Variants in SLIT2 observed in about 807,000 individuals in gnomAD.
SLIT2 encodes slit guidance ligand 2, also known as slit homolog 2 protein.
A neutral mutation model predicts 185.7 loss-of-function variants in SLIT2; 41 were observed. That is an observed-to-expected ratio of 0.22 (90% CI 0.17 to 0.29). SLIT2 has a LOEUF of 0.29. SLIT2 is among the 10% of genes least tolerant of loss of function. The pLI is 1.00. For missense variants in SLIT2, 1,571 were observed against 1,909.0 expected, an observed-to-expected ratio of 0.82 and a Z score of 3.30; for synonymous variants, 693 against 680.2, an observed-to-expected ratio of 1.02 and a Z score of -0.29.
intron 4 of SLIT2, among the ~76,000 whole-genome samples, chr4:20,308,481 A>G (rs1419378391): frequency 6.6e-6 from 1 of 152,310 alleles, no homozygotes; most frequent in Non-Finnish European, 1.5e-5. Context: ...GTGGTATAGA[A>G]AGCATGAGCT....
chr4:20,516,325 TATATGTATATTGTACACATATAATAGTAC>T (rs2148834477), intron 11 of SLIT2, among the ~76,000 whole-genome samples: 1 of 152,228 alleles, frequency 6.6e-6, no homozygotes, highest in African/African-American at 2.4e-5. Context: ...TCTATCAGAG[TATATGTATATTGTACACATATAATAGTAC>T]GTATGTATAT....
chr4:20,554,402 G>A, intron 26 of SLIT2: 1 of 453,844 alleles, frequency 2.2e-6, no homozygotes, highest in Non-Finnish European at 4.4e-6. Flanking sequence ...CTTATGTGCT[G>A]CAGCCTTCCT....
chr4:20,292,406 C>G (rs921294439), intron 4 of SLIT2, among the ~76,000 whole-genome samples: 1 of 152,028 alleles, frequency 6.6e-6, no homozygotes, highest in Admixed American at 6.5e-5. Flanking sequence ...TTTGTTACAG[C>G]TACTTGGGAG....
At chr4:20,390,284 T>G (rs10000297) in intron 4 of SLIT2, among the ~76,000 whole-genome samples, 2 of 151,978 alleles carry the variant, frequency 1.3e-5, no homozygotes, top group East Asian at 3.9e-4. Flanking sequence ...ACAAAAAAAA[T>G]TGCCGTGCAT....
intron 4 of SLIT2, among the ~76,000 whole-genome samples, chr4:20,298,063 T>TA (rs1280083314): frequency 6.6e-6 from 1 of 151,878 alleles, no homozygotes; most frequent in East Asian, 1.9e-4. Flanking sequence ...AAGAGCATAG[T>TA]AATCGGTATC....
At chr4:20,511,587 A>ATTTTTTTTTTTTTTTTTTTTTTTTTT (rs759622666) in intron 11 of SLIT2, among the ~76,000 whole-genome samples, 3 of 82,206 alleles carry the variant, frequency 3.6e-5, no homozygotes, top group African/African-American at 5.0e-5. Flanking sequence ...CATCCAGCTA[A>ATTTTTTTTTTTTTTTTTTTTTTTTTT]TTTTTTTTTT....
intron 4 of SLIT2, among the ~76,000 whole-genome samples, chr4:20,377,679 T>C (rs902321444): frequency 5.9e-5 from 9 of 152,086 alleles, no homozygotes; most frequent in African/African-American, 1.7e-4. Flanking sequence ...TTTACTTACA[T>C]TGAGGGAGTG....
At chr4:20,529,371 G>T (rs1721584636) in intron 16 of SLIT2, among the ~76,000 whole-genome samples, 2 of 152,042 alleles carry the variant, frequency 1.3e-5, no homozygotes, top group South Asian at 4.2e-4. Context: ...TTTATTTGAT[G>T]CTTATTTATT....
chr4:20,465,825 G>A (rs1035140617), intron 4 of SLIT2, among the ~76,000 whole-genome samples: 2 of 152,064 alleles, frequency 1.3e-5, no homozygotes, highest in African/African-American at 4.8e-5. Flanking sequence ...TGTGCCTAGG[G>A]ACTGAGCAGA....
intron 4 of SLIT2, among the ~76,000 whole-genome samples, chr4:20,271,107 G>T (rs1396907355): frequency 2.0e-5 from 3 of 151,924 alleles, no homozygotes; most frequent in Non-Finnish European, 4.4e-5. Context: ...ACATGATACA[G>T]ATGCCAAGTA....
chr4:20,400,457 G>A (rs1261712365), intron 4 of SLIT2, among the ~76,000 whole-genome samples: 1 of 151,664 alleles, frequency 6.6e-6, no homozygotes, highest in Non-Finnish European at 1.5e-5. Flanking sequence ...CAAGGTTTCT[G>A]GTTTACACAA....
At chr4:20,461,647 G>A (rs1713724977) in intron 4 of SLIT2, among the ~76,000 whole-genome samples, 1 of 152,138 alleles carries the variant, frequency 6.6e-6, no homozygotes, top group African/African-American at 2.4e-5. Context: ...GTCAGATTCT[G>A]GATATATTTT....
At chr4:20,360,055 TCTCTTCCAGATCAGGTCATGTGA>T (rs1577498283) in intron 4 of SLIT2, among the ~76,000 whole-genome samples, 4 of 152,154 alleles carry the variant, frequency 2.6e-5, no homozygotes, top group Admixed American at 2.6e-4. Flanking sequence ...TTCCTCATTT[TCTCTTCCAGATCAGGTCATGTGA>T]CAGGACTCTG....
At chr4:20,458,484 T>C (rs971026013) in intron 4 of SLIT2, among the ~76,000 whole-genome samples, 15 of 152,188 alleles carry the variant, frequency 9.9e-5, no homozygotes, top group African/African-American at 3.4e-4. Context: ...GTTAAAAATA[T>C]AGATTCCTGG....
intron 4 of SLIT2, among the ~76,000 whole-genome samples, chr4:20,427,552 GTTAA>G (rs1450248185): frequency 4.6e-5 from 7 of 152,046 alleles, no homozygotes; most frequent in Admixed American, 6.6e-5. Flanking sequence ...TGTGTCCAAA[GTTAA>G]TTAATAACGG....
At position 20,610,019 on chromosome 4, in the gene SLIT2, G is replaced by A. The variant is rs772217086; in HGVS notation, c.3699G>A (p.Glu1233=). Reference sequence around the variant, plus strand: ...ATTTTTTTTTCCGTTGTAGTGTGGAGACAATCAATGATGGAAACTTCCACA... The same window carrying A: ...ATTTTTTTTTCCGTTGTAGTGTGGAAACAATCAATGATGGAAACTTCCACA... ...SHPASAIYSV[E]TINDGNFHIV... is the part of the protein sequence containing the mutation. The change falls in exon 34 of 37, where the codon GAG becomes GAA. Residue 1233 remains glutamate (E), a synonymous_variant. Coordinates refer to ENST00000504154, the MANE Select transcript of SLIT2 (RefSeq NM_004787.4). 1 of 1,612,148 alleles carries A rather than the reference G, an allele frequency of 6.2e-7. No homozygotes were observed. Among genetic ancestry groups the A allele is most frequent in the Non-Finnish European group, 8.5e-7 (1 of 1,179,160 alleles).
At chr4:20,573,654 A>C (rs1725820742) in intron 29 of SLIT2, among the ~76,000 whole-genome samples, 2 of 152,202 alleles carry the variant, frequency 1.3e-5, no homozygotes, top group Non-Finnish European at 1.5e-5. Flanking sequence ...ATAAGGCTGT[A>C]GATAGAAAAA....
intron 4 of SLIT2, among the ~76,000 whole-genome samples, chr4:20,345,642 T>C (rs769401231): frequency 2.2e-4 from 33 of 150,640 alleles, no homozygotes; most frequent in Non-Finnish European, 3.5e-4. Flanking sequence ...ATCAAGCAAT[T>C]CTCCTGCCTC....
chr4:20,460,294 G>A (rs1486843581), intron 4 of SLIT2, among the ~76,000 whole-genome samples: 2 of 152,060 alleles, frequency 1.3e-5, no homozygotes, highest in African/African-American at 2.4e-5. Context: ...TTGTCTAACA[G>A]GAGAGAAAGT....
Sources: gnomAD v4.1 joint callset for allele counts (sites outside exome capture counted in the v4.1 genomes callset) on GRCh38, gnomAD v4.1.1 for gene constraint, MANE v1.5 for transcripts, NCBI Gene and HGNC (gene_info 2026-07-23, HGNC 2026-07-21) for gene names.